The following AFDN variants were observed in gnomAD, a reference collection of about 807,000 sequenced individuals.
AFDN encodes afadin.
AFDN carries 68 observed loss-of-function variants against 216.6 expected under a neutral mutation model. The observed-to-expected ratio is 0.31, with a 90% CI of 0.26 to 0.38. The LOEUF (loss-of-function observed/expected upper bound fraction) is 0.38. Ranked by LOEUF, AFDN falls within the 10% of genes least tolerant of loss-of-function variation. AFDN has a pLI of 1.00. For missense variants in AFDN, 2,136 were observed against 2,342.0 expected, an observed-to-expected ratio of 0.91 and a Z score of 1.82; for synonymous variants, 868 against 853.7, an observed-to-expected ratio of 1.02 and a Z score of -0.29.
intron 9 of AFDN, among the ~76,000 whole-genome samples, chr6:167,895,308 A>G (rs1788104235): frequency 6.6e-6 from 1 of 152,170 alleles, no homozygotes; most frequent in South Asian, 2.1e-4. Context: ...GTTAAAACAC[A>G]CAAAATAGTA....
chr6:167,862,665 G>A lies in AFDN; in HGVS notation c.106-1886G>A, dbSNP rs151074468. 3.8e-3 allele frequency among the ~76,000 whole-genome samples: 578 copies of A among 152,330 alleles called. 2 individuals are homozygous for A. The highest frequency in any genetic ancestry group is 0.013 in the African/African-American group (542 of 41,572). ...GCTGGGATTACAGGCATGGGCCACCGTGCCCGGCAGTTATAAAGGTTTTAG... is the reference window on the plus strand; with the variant it reads ...GCTGGGATTACAGGCATGGGCCACCATGCCCGGCAGTTATAAAGGTTTTAG... On this transcript the variant is annotated intron_variant, in intron 1 of 33. Coordinates refer to ENST00000683244, the MANE Select transcript of AFDN (RefSeq NM_001386888.1).
chr6:167,839,709 G>A (rs1323526877), intron 1 of AFDN, among the ~76,000 whole-genome samples: 1 of 152,142 alleles, frequency 6.6e-6, no homozygotes, highest in Non-Finnish European at 1.5e-5. Flanking sequence ...TCCACTATAT[G>A]TAAGTTTTGC....
chr6:167,952,616 C>A, intron 30 of AFDN: 1 of 490,174 alleles, frequency 2.0e-6, no homozygotes, highest in Non-Finnish European at 2.6e-6. Context: ...GCTGTTGTAG[C>A]ACAAAAGCAG....
intron 1 of AFDN, among the ~76,000 whole-genome samples, chr6:167,835,714 C>T (rs1773576732): frequency 6.6e-6 from 1 of 152,168 alleles, no homozygotes; most frequent in Admixed American, 6.5e-5. Flanking sequence ...TTGCTTTGAC[C>T]ATTCATGCAA....
intron 5 of AFDN, among the ~76,000 whole-genome samples, chr6:167,878,013 C>G (rs1433164657): frequency 6.6e-6 from 1 of 151,952 alleles, no homozygotes; most frequent in South Asian, 2.1e-4. Flanking sequence ...CCAAAATGCC[C>G]TATATATCTC....
In AFDN at chr6:167,913,530, A is replaced by T. The variant is rs568482618; in HGVS notation, c.2058+107A>T. Reference sequence around the variant, plus strand: ...CAACAGCTGGACTGAACAGCTCATAACACTCATTCAGCAACTGAGACATGC... The same window carrying T: ...CAACAGCTGGACTGAACAGCTCATATCACTCATTCAGCAACTGAGACATGC... On this transcript the variant is annotated intron_variant, in intron 16 of 33. Coordinates refer to ENST00000683244, the MANE Select transcript of AFDN (RefSeq NM_001386888.1). 5 of 1,026,022 alleles carry T rather than the reference A, an allele frequency of 4.9e-6. No homozygotes were observed. The African/African-American group carries it at 8.0e-5, about 16-fold the overall frequency. The allele number at this position is 1,026,022 out of a possible 1,614,324, so 63.6% of individuals were successfully genotyped here.
chr6:167,875,566 G>C, intron 5 of AFDN, 71 bp downstream of exon 5: 4 of 1,501,748 alleles, frequency 2.7e-6, no homozygotes, highest in Non-Finnish European at 3.6e-6. Context: ...GTACGTGCGT[G>C]AGACTTGCTT....
intron 29 of AFDN, among the ~76,000 whole-genome samples, chr6:167,950,233 T>C (rs1337974029): frequency 6.6e-6 from 1 of 152,230 alleles, no homozygotes; most frequent in Non-Finnish European, 1.5e-5. Context: ...TAATTTGTTT[T>C]CCTGGTTTAC....
chr6:167,911,765 G>T, intron 15 of AFDN: 2 of 423,698 alleles, frequency 4.7e-6, no homozygotes, highest in Non-Finnish European at 4.3e-6. Context: ...GGCTTTTGTA[G>T]AATTTTTTCT....
chr6:167,904,799 C>G (rs553437304), intron 12 of AFDN, among the ~76,000 whole-genome samples: 1 of 152,268 alleles, frequency 6.6e-6, no homozygotes, highest in East Asian at 1.9e-4. Flanking sequence ...CACACGGCCC[C>G]AAGAGCAGCC....
At chr6:167,891,407 GGGT>G (rs1787570901) in intron 8 of AFDN, among the ~76,000 whole-genome samples, 3 of 60,316 alleles carry the variant, frequency 5.0e-5, no homozygotes, top group East Asian at 2.7e-4. Flanking sequence ...ATAAAGGGGT[GGGT>G]GTGTGTGTGT....
chr6:167,896,434 G>T (rs901464443), intron 9 of AFDN, among the ~76,000 whole-genome samples: 2 of 152,226 alleles, frequency 1.3e-5, no homozygotes, highest in Admixed American at 6.5e-5. Flanking sequence ...AAAAACCTCC[G>T]TCAGTGATTT....
At chr6:167,926,583 C>T (rs989200309) in intron 23 of AFDN, among the ~76,000 whole-genome samples, 11 of 152,194 alleles carry the variant, frequency 7.2e-5, no homozygotes, top group Non-Finnish European at 1.3e-4. Context: ...AGGAGCATAC[C>T]ACCATGCCTG....
At chr6:167,868,084 A>G (rs750859757) in intron 2 of AFDN, among the ~76,000 whole-genome samples, 1 of 152,044 alleles carries the variant, frequency 6.6e-6, no homozygotes, top group Non-Finnish European at 1.5e-5. Context: ...TCAAGGGCTG[A>G]CCTGGTCATA....
chr6:167,865,361 A>G (rs1294992259), intron 2 of AFDN, among the ~76,000 whole-genome samples: 2 of 152,258 alleles, frequency 1.3e-5, no homozygotes, highest in Admixed American at 6.5e-5. Flanking sequence ...GGTAAGTGCC[A>G]TGGCTTATGC....
chr6:167,917,037 T>G lies in AFDN; in HGVS notation c.2566-52T>G, dbSNP rs967929837. Reference sequence around the variant, plus strand: ...AAATATTACATAAAGGATAATATTTTTGAAATAACTTTACAAGTGTGATAT... The same window carrying G: ...AAATATTACATAAAGGATAATATTTGTGAAATAACTTTACAAGTGTGATAT... On this transcript the variant is annotated intron_variant, in intron 19 of 33. Coordinates refer to ENST00000683244, the MANE Select transcript of AFDN (RefSeq NM_001386888.1). 10 of 1,503,738 alleles carry G rather than the reference T, an allele frequency of 6.7e-6. No homozygotes were observed. In the East Asian group the frequency reaches 9.2e-5, roughly 14 times the overall value. 93.1% of individuals were successfully genotyped at this position (1,503,738 alleles called of 1,614,324 possible). A position where few individuals can be genotyped will look rare whatever the true frequency, so the allele number is the denominator to read the frequency against.
Position 167,968,963 on chromosome 6 carries a change from G to C in AFDN, c.5258-151G>C. On this transcript the variant is annotated intron_variant, in intron 32 of 33. Transcript: ENST00000683244. The stretch of plus-strand genomic sequence containing the variant: ...CACCAACAGGGATGAATTTCAAACT[G>C]ATGAAACTTTGATACAATATGAGGG... The C allele has an allele frequency of 2.1e-5, 13 of 627,988 alleles. 1 individual carries two copies. The highest frequency in any genetic ancestry group is 1.8e-4 in the South Asian group (9 of 51,162). The allele number at this position is 627,988 out of a possible 1,614,324, so 38.9% of individuals were successfully genotyped here. A position where few individuals can be genotyped will look rare whatever the true frequency, so the allele number is the denominator to read the frequency against.
At chr6:167,896,736 T>A (rs1583317646) in intron 9 of AFDN, 142 bp from the exon 10 acceptor site, 1 of 561,556 alleles carries the variant, frequency 1.8e-6, no homozygotes, top group South Asian at 2.4e-5. Context: ...TAAATTGTGT[T>A]ACATAAGTTT....
At position 167,915,054 on chromosome 6, in the gene AFDN, G is replaced by A. The variant is rs376810536; in HGVS notation, c.2300-114G>A. On this transcript the variant is annotated intron_variant, in intron 18 of 33. Coordinates refer to ENST00000683244, the MANE Select transcript of AFDN (RefSeq NM_001386888.1). ...TTGGAATGAAGTTGATATTTTTAAAGTAATTAAACGGCACTTACTACCATA... is the reference window on the plus strand; with the variant it reads ...TTGGAATGAAGTTGATATTTTTAAAATAATTAAACGGCACTTACTACCATA... The A allele has an allele frequency of 9.2e-5, 100 of 1,083,374 alleles. 1 individual carries two copies. The East Asian group carries it at 1.3e-3, about 14-fold the overall frequency. The allele number at this position is 1,083,374 out of a possible 1,614,324, so 67.1% of individuals were successfully genotyped here.
Sources: gnomAD v4.1 joint callset for allele counts (sites outside exome capture counted in the v4.1 genomes callset) on GRCh38, gnomAD v4.1.1 for gene constraint, MANE v1.5 for transcripts, NCBI Gene and HGNC (gene_info 2026-07-23, HGNC 2026-07-21) for gene names.